AFF1: variants seen among roughly 807,000 people sequenced by gnomAD.
The protein encoded by AFF1 is AF4/FMR2 family member 1.
A neutral mutation model predicts 121.7 loss-of-function variants in AFF1; 48 were observed. That is an observed-to-expected ratio of 0.39 (90% CI 0.31 to 0.50). The LOEUF is 0.50. AFF1 is among the 20% of genes least tolerant of loss of function. The pLI is 0.76. For missense variants in AFF1, 1,523 were observed against 1,511.7 expected, an observed-to-expected ratio of 1.01 and a Z score of -0.12; for synonymous variants, 613 against 563.0, an observed-to-expected ratio of 1.09 and a Z score of -1.26.
rs1728232954 is a variant in AFF1, at chr4:87,126,229, G to C, written c.2704G>C (p.Asp902His). 6.2e-7 allele frequency: 1 copy of C among 1,614,044 alleles called. No homozygotes were observed. The highest frequency in any genetic ancestry group is 2.2e-5 in the East Asian group (1 of 44,852). Reference protein sequence around the residue: ...SRREADTCGQDPPKSASSTKS... With the variant: ...SRREADTCGQHPPKSASSTKS... ...GCGGGAAGCAGACACCTGTGGCCAG[G>C]ACCCTCCCAAAAGTGCCAGCAGTAC... The change falls in exon 14 of 21, where the codon GAC becomes CAC. Residue 902 changes from aspartate to histidine, a missense_variant. Coordinates refer to ENST00000395146, the MANE Select transcript of AFF1 (RefSeq NM_001166693.3).
chr4:86,980,353 A>C (rs1399906050), intron 2 of AFF1, among the ~76,000 whole-genome samples: 1 of 152,230 alleles, frequency 6.6e-6, no homozygotes, highest in Non-Finnish European at 1.5e-5. Context: ...CCAGCTGGGC[A>C]TGGCGGTACA....
chr4:87,062,824 A>G (rs1720917823), intron 4 of AFF1, among the ~76,000 whole-genome samples: 1 of 152,316 alleles, frequency 6.6e-6, no homozygotes, highest in Admixed American at 6.5e-5. Flanking sequence ...CATGTTATTC[A>G]TTGGATGGTA....
intron 4 of AFF1, among the ~76,000 whole-genome samples, chr4:87,051,794 G>A (rs7677039): frequency 0.042 from 6,442 of 152,198 alleles, 438 homozygotes; most frequent in African/African-American, 0.15. Context: ...ACCCTCCACT[G>A]TGTTCCATGC....
At chr4:87,072,278 G>A (rs533462023) in intron 4 of AFF1, among the ~76,000 whole-genome samples, 4 of 150,846 alleles carry the variant, frequency 2.7e-5, no homozygotes, top group African/African-American at 9.7e-5. Context: ...CAGGAGAATG[G>A]CGTGAACCCG....
intron 2 of AFF1, among the ~76,000 whole-genome samples, chr4:86,953,989 G>A (rs903607510): frequency 5.9e-5 from 9 of 152,120 alleles, no homozygotes; most frequent in African/African-American, 1.9e-4. Context: ...GGGATTACAG[G>A]CGTGAGCCAC....
intron 4 of AFF1, 64 bp downstream of exon 4, chr4:87,047,658 G>A (rs1441942190): frequency 8.1e-6 from 13 of 1,602,666 alleles, no homozygotes; most frequent in South Asian, 1.1e-5. Context: ...GAAAATGTCC[G>A]GAGGATGTGG....
At chr4:87,066,454 G>T (rs1721358943) in intron 4 of AFF1, among the ~76,000 whole-genome samples, 1 of 152,096 alleles carries the variant, frequency 6.6e-6, no homozygotes, top group Non-Finnish European at 1.5e-5. Flanking sequence ...GCATAATGGT[G>T]TGTGTGCTTG....
intron 4 of AFF1, 121 bp downstream of exon 4, chr4:87,047,715 T>C (rs1013422489): frequency 7.6e-7 from 1 of 1,322,416 alleles, no homozygotes; most frequent in African/African-American, 1.4e-5. Flanking sequence ...GGGGGAATTC[T>C]TTTTGGCTTT....
At chr4:87,072,784 G>A (rs945010109) in intron 4 of AFF1, among the ~76,000 whole-genome samples, 1 of 152,108 alleles carries the variant, frequency 6.6e-6, no homozygotes. Flanking sequence ...GCCTGCCCTC[G>A]GTCTTCCAAG....
At chr4:87,071,243 A>G (rs1193983287) in intron 4 of AFF1, among the ~76,000 whole-genome samples, 1 of 150,986 alleles carries the variant, frequency 6.6e-6, no homozygotes, top group Non-Finnish European at 1.5e-5. Context: ...ATTTTATTCC[A>G]CAAGAAGCTT....
At chr4:87,112,947 T>TA (rs1021635755) in intron 11 of AFF1, among the ~76,000 whole-genome samples, 1 of 152,240 alleles carries the variant, frequency 6.6e-6, no homozygotes, top group African/African-American at 2.4e-5. Flanking sequence ...TTCTATATGA[T>TA]ATGAAATTCA....
chr4:86,936,142 G>A (rs1719972667), intron 1 of AFF1: 1 of 152,230 alleles, frequency 6.6e-6, no homozygotes, highest in Admixed American at 6.5e-5. Flanking sequence ...CTTTGGAGGT[G>A]GAGATGTGTC....
chr4:87,091,021 CAAAAAAAA>C (rs72486264), intron 6 of AFF1, among the ~76,000 whole-genome samples: 14 of 64,844 alleles, frequency 2.2e-4, no homozygotes, highest in Non-Finnish European at 2.3e-4. Context: ...TCTCTACCAC[CAAAAAAAA>C]AAAAAAAAAA....
At chr4:87,010,869 A>G (rs10015302) in intron 2 of AFF1, among the ~76,000 whole-genome samples, 1 of 152,148 alleles carries the variant, frequency 6.6e-6, no homozygotes, top group Non-Finnish European at 1.5e-5. Flanking sequence ...CAGGCGGATC[A>G]CGAGGTTAGG....
intron 2 of AFF1, among the ~76,000 whole-genome samples, chr4:87,005,390 G>C (rs1210206937): frequency 6.6e-6 from 1 of 152,144 alleles, no homozygotes; most frequent in African/African-American, 2.4e-5. Flanking sequence ...TTTAAGTATT[G>C]GCGAAGCTGG....
At chr4:86,958,399 T>C (rs1721910926) in intron 2 of AFF1, among the ~76,000 whole-genome samples, 1 of 152,056 alleles carries the variant, frequency 6.6e-6, no homozygotes, top group African/African-American at 2.4e-5. Context: ...CCCCAAACTT[T>C]CTAGATTGTT....
At chr4:87,015,596 T>C (rs1488783529) in intron 2 of AFF1, among the ~76,000 whole-genome samples, 1 of 152,230 alleles carries the variant, frequency 6.6e-6, no homozygotes, top group Non-Finnish European at 1.5e-5. Context: ...TTGATAATTC[T>C]GTCACTGCTG....
At chr4:87,084,001 C>A in intron 4 of AFF1, 119 bp from the exon 5 acceptor site, 4 of 855,438 alleles carry the variant, frequency 4.7e-6, no homozygotes, top group Non-Finnish European at 7.7e-6. Context: ...GTTCTTAATA[C>A]TTAGCTAGTA....
intron 2 of AFF1, among the ~76,000 whole-genome samples, chr4:86,973,309 TG>T (rs2149482074): frequency 6.6e-6 from 1 of 152,276 alleles, no homozygotes; most frequent in South Asian, 2.1e-4. Flanking sequence ...CGTTAACACC[TG>T]GGTGCTGCAG....
Sources: allele counts gnomAD v4.1 joint callset (sites outside exome capture counted in the v4.1 genomes callset), GRCh38; gene constraint gnomAD v4.1.1; transcripts MANE v1.5; gene names NCBI Gene and HGNC (gene_info 2026-07-23, HGNC 2026-07-21).